CTNND2: variants seen among roughly 807,000 people sequenced by gnomAD.
CTNND2 encodes the protein catenin delta 2, also known as catenin delta-2.
CTNND2 carries 22 observed loss-of-function variants against 144.4 expected under a neutral mutation model. That is an observed-to-expected ratio of 0.15 (90% confidence interval 0.11 to 0.22). The LOEUF (loss-of-function observed/expected upper bound fraction) is 0.22, where lower values mean the gene tolerates loss of function less well. CTNND2 is among the 10% of genes least tolerant of loss of function. The pLI, the probability that CTNND2 is intolerant of heterozygous loss-of-function variation, is 1.00. For missense variants in CTNND2, 1,353 were observed against 1,618.8 expected (o/e 0.84, Z 2.82); for synonymous variants, 751 against 695.6 (o/e 1.08, Z -1.25).
At chr5:11,305,816 G>A (rs763745220) in intron 9 of CTNND2, among the ~76,000 whole-genome samples, 3 of 152,238 alleles carry the variant, frequency 2.0e-5, no homozygotes, top group African/African-American at 4.8e-5. Context: ...GAGCGCATCT[G>A]AGAGATGAGT....
At chr5:11,375,376 T>C (rs898982569) in intron 7 of CTNND2, among the ~76,000 whole-genome samples, 1 of 152,210 alleles carries the variant, frequency 6.6e-6, no homozygotes, top group African/African-American at 2.4e-5. Context: ...ACAACTTCTC[T>C]ATATCAACAT....
chr5:11,878,478 T>G (rs1040160698), intron 1 of CTNND2, among the ~76,000 whole-genome samples: 5 of 152,138 alleles, frequency 3.3e-5, no homozygotes, highest in African/African-American at 1.2e-4. Flanking sequence ...TCAGGATAGA[T>G]CAATACATAG....
intron 1 of CTNND2, among the ~76,000 whole-genome samples, chr5:11,823,001 G>A (rs1300131433): frequency 1.3e-5 from 2 of 152,134 alleles, no homozygotes; most frequent in South Asian, 2.1e-4. Flanking sequence ...TGTAACAATA[G>A]ATAATTAAAA....
At chr5:11,732,946 A>C (rs923918033) in intron 1 of CTNND2, among the ~76,000 whole-genome samples, 1 of 152,016 alleles carries the variant, frequency 6.6e-6, no homozygotes, top group African/African-American at 2.4e-5. Flanking sequence ...AGCCTCCATA[A>C]AACCCCAGAG....
At chr5:11,291,212 T>C (rs1748315591) in intron 9 of CTNND2, among the ~76,000 whole-genome samples, 1 of 152,116 alleles carries the variant, frequency 6.6e-6, no homozygotes, top group South Asian at 2.1e-4. Context: ...GGGAGCCACT[T>C]CTTCCCACAA....
At chr5:11,274,632 T>C (rs1746346621) in intron 9 of CTNND2, among the ~76,000 whole-genome samples, 2 of 151,732 alleles carry the variant, frequency 1.3e-5, no homozygotes, top group African/African-American at 2.4e-5. Context: ...TTAAAAATTT[T>C]CCTGGAGCAA....
intron 11 of CTNND2, among the ~76,000 whole-genome samples, chr5:11,195,122 G>T (rs1041187702): frequency 1.3e-5 from 2 of 152,114 alleles, no homozygotes; most frequent in Admixed American, 1.3e-4. Flanking sequence ...AAATTTTCTG[G>T]CACTGAAGAA....
intron 2 of CTNND2, among the ~76,000 whole-genome samples, chr5:11,623,454 C>G (rs528046098): frequency 6.6e-6 from 1 of 151,954 alleles, no homozygotes; most frequent in East Asian, 1.9e-4. Context: ...TAAGATGTGC[C>G]TTTTGCCTTG....
intron 3 of CTNND2, among the ~76,000 whole-genome samples, chr5:11,436,234 C>T (rs1459221234): frequency 6.6e-6 from 1 of 152,030 alleles, no homozygotes; most frequent in African/African-American, 2.4e-5. Flanking sequence ...TTACAAAGAC[C>T]TTTCTACAGT....
chr5:11,702,498 G>T (rs1025145200), intron 2 of CTNND2, among the ~76,000 whole-genome samples: 1 of 152,044 alleles, frequency 6.6e-6, no homozygotes, highest in Non-Finnish European at 1.5e-5. Context: ...TATTCCCCTT[G>T]ATCAGCTCTG....
At chr5:11,400,599 C>G (rs1368082177) in intron 5 of CTNND2, among the ~76,000 whole-genome samples, 3 of 152,140 alleles carry the variant, frequency 2.0e-5, no homozygotes. Context: ...TGAAACAAAA[C>G]CTACTATCCT....
chr5:11,250,479 CTCTCTCTCTCTCTATATATA>C (rs1199283249), intron 9 of CTNND2, among the ~76,000 whole-genome samples: 29 of 63,628 alleles, frequency 4.6e-4, no homozygotes, highest in African/African-American at 2.8e-3. Flanking sequence ...CTCTCTCTCT[CTCTCTCTCTCTCTATATATA>C]TATATATATA....
At chr5:11,308,495 G>A (rs1290523511) in intron 9 of CTNND2, among the ~76,000 whole-genome samples, 1 of 152,182 alleles carries the variant, frequency 6.6e-6, no homozygotes, top group Non-Finnish European at 1.5e-5. Context: ...GGCCAGATTT[G>A]TCCAGCAGTC....
At chr5:11,726,901 A>G (rs1479965911) in intron 2 of CTNND2, among the ~76,000 whole-genome samples, 1 of 152,226 alleles carries the variant, frequency 6.6e-6, no homozygotes, top group Admixed American at 6.5e-5. Context: ...GAAGAGTTAT[A>G]AACTGAAACT....
At chr5:11,395,534 A>G (rs1285166630) in intron 6 of CTNND2, among the ~76,000 whole-genome samples, 1 of 152,208 alleles carries the variant, frequency 6.6e-6, no homozygotes, top group Non-Finnish European at 1.5e-5. Context: ...AACTCTGATG[A>G]CTTCAGATAC....
intron 7 of CTNND2, among the ~76,000 whole-genome samples, chr5:11,365,217 T>C (rs1381103693): frequency 2.0e-5 from 3 of 152,220 alleles, no homozygotes; most frequent in African/African-American, 7.2e-5. Context: ...AGGTAGATAG[T>C]CAGTCCTAAA....
At chr5:11,741,489 G>C (rs982028586) in intron 1 of CTNND2, among the ~76,000 whole-genome samples, 1 of 151,960 alleles carries the variant, frequency 6.6e-6, no homozygotes, top group Non-Finnish European at 1.5e-5. Context: ...AACACTGCAT[G>C]TTCTCACTCA....
intron 2 of CTNND2, among the ~76,000 whole-genome samples, chr5:11,713,079 T>C (rs935868478): frequency 1.3e-5 from 2 of 152,182 alleles, no homozygotes; most frequent in Non-Finnish European, 2.9e-5. Context: ...GATATTCCTC[T>C]CCTTATGAAA....
chr5:11,185,201 A>T (rs1279720120), intron 11 of CTNND2, among the ~76,000 whole-genome samples: 1 of 152,064 alleles, frequency 6.6e-6, no homozygotes, highest in African/African-American at 2.4e-5. Flanking sequence ...GTCTTCCTTG[A>T]TCTCTTCAAC....
Sources: allele counts gnomAD v4.1 joint callset (sites outside exome capture counted in the v4.1 genomes callset), GRCh38; gene constraint gnomAD v4.1.1; transcripts MANE v1.5; gene names NCBI Gene and HGNC (gene_info 2026-07-23, HGNC 2026-07-21).